The following ATP8A1 variants were observed in gnomAD, a reference collection of about 807,000 sequenced individuals.
ATP8A1 encodes ATPase phospholipid transporting 8A1.
Under a neutral mutation model 177.7 loss-of-function variants are expected in ATP8A1, and 90 were observed. That is an observed-to-expected ratio of 0.51 (90% CI 0.43 to 0.60). ATP8A1 has a LOEUF of 0.60. Among genes scored for constraint, ATP8A1 ranks in the 20% least tolerant of loss-of-function variants. The probability of loss-of-function intolerance (pLI) is 0.00; values close to 1 mark genes in which losing one functional copy is unlikely to be tolerated. For missense variants in ATP8A1, 1,072 were observed against 1,392.8 expected (o/e 0.77, Z 3.67); for synonymous variants, 493 against 485.9 (o/e 1.01, Z -0.19).
chr4:42,539,395 A>ACC (rs59861092), intron 20 of ATP8A1, among the ~76,000 whole-genome samples: 5,012 of 129,784 alleles, frequency 0.039, 139 homozygotes, highest in African/African-American at 0.046. Flanking sequence ...AAAATAAAAT[A>ACC]CCCCCCCCCC....
At chr4:42,547,543 A>G (rs1464561255) in intron 19 of ATP8A1, among the ~76,000 whole-genome samples, 1 of 152,232 alleles carries the variant, frequency 6.6e-6, no homozygotes, top group Non-Finnish European at 1.5e-5. Context: ...GTGGTTTAAA[A>G]AACGTATCTA....
At chr4:42,633,027 C>G (rs1318386231) in intron 1 of ATP8A1, among the ~76,000 whole-genome samples, 1 of 152,186 alleles carries the variant, frequency 6.6e-6, no homozygotes, top group Non-Finnish European at 1.5e-5. Flanking sequence ...AATTTCCCTT[C>G]TTGAGCCTTT....
chr4:42,586,210 G>C (rs1733597084), intron 9 of ATP8A1, 139 bp downstream of exon 9: 3 of 887,326 alleles, frequency 3.4e-6, no homozygotes, highest in East Asian at 2.7e-5. Flanking sequence ...ACTCAGGGCA[G>C]AATAAAAATG....
At chr4:42,462,375 G>A (rs934530116) in intron 27 of ATP8A1, among the ~76,000 whole-genome samples, 1 of 152,220 alleles carries the variant, frequency 6.6e-6, no homozygotes, top group African/African-American at 2.4e-5. Flanking sequence ...GAGACTTGGT[G>A]CTCTGCATCC....
intron 35 of ATP8A1, among the ~76,000 whole-genome samples, chr4:42,422,604 G>C (rs1560306599): frequency 6.6e-6 from 1 of 152,100 alleles, no homozygotes; most frequent in African/African-American, 2.4e-5. Flanking sequence ...GGAAATTGAG[G>C]CTCAGTAGGA....
At chr4:42,499,422 T>G (rs946530221) in intron 24 of ATP8A1, among the ~76,000 whole-genome samples, 5 of 152,134 alleles carry the variant, frequency 3.3e-5, no homozygotes, top group African/African-American at 9.6e-5. Flanking sequence ...ATCCCACAAC[T>G]CCTCACATAA....
chr4:42,586,555 C>G, intron 8 of ATP8A1, 79 bp from the exon 9 acceptor site: 6 of 1,377,228 alleles, frequency 4.4e-6, no homozygotes, highest in Non-Finnish European at 6.0e-6. Flanking sequence ...TTGAATTCAT[C>G]CAAGTCTTAA....
At chr4:42,505,016 G>C (rs984118151) in intron 23 of ATP8A1, among the ~76,000 whole-genome samples, 11 of 152,346 alleles carry the variant, frequency 7.2e-5, no homozygotes, top group Non-Finnish European at 1.5e-4. Context: ...TCCTGACTGT[G>C]CTATTTAAAA....
chr4:42,423,004 A>AAAGC (rs1714171197), intron 34 of ATP8A1, 105 bp from the exon 35 acceptor site: 1 of 725,032 alleles, frequency 1.4e-6, no homozygotes, highest in African/African-American at 1.8e-5. Flanking sequence ...GCACAATGGT[A>AAAGC]ACAAGAGTAC....
At chr4:42,461,776 C>A (rs138647004) in intron 27 of ATP8A1, among the ~76,000 whole-genome samples, 262 of 152,234 alleles carry the variant, frequency 1.7e-3, no homozygotes, top group Admixed American at 4.2e-3. Context: ...CATAAAAAGA[C>A]AAGAAAACGT....
Position 42,483,419 on chromosome 4 carries a change from T to G in ATP8A1, c.2324+2077A>C, listed in dbSNP as rs538594409. On this transcript the variant is annotated intron_variant, in intron 25 of 36. Transcript: ENST00000381668. Reference sequence around the variant, plus strand: ...CCTTAAAACTGGAAATAAAACTCAGTGTCTGCGTAGGGACCTCATGGTCTT... The same window carrying G: ...CCTTAAAACTGGAAATAAAACTCAGGGTCTGCGTAGGGACCTCATGGTCTT... Among the ~76,000 whole-genome samples the G allele has an allele frequency of 4.0e-5, 6 of 149,378 alleles. No individual in the cohort carries two copies. In the South Asian group the frequency reaches 1.3e-3, roughly 32 times the overall value.
chr4:42,521,976 C>CT (rs1192021451), intron 22 of ATP8A1, among the ~76,000 whole-genome samples, 184 bp downstream of exon 22: 6 of 152,152 alleles, frequency 3.9e-5, no homozygotes, highest in African/African-American at 1.4e-4. Context: ...TGTCTAACCC[C>CT]AAAGGCTTCT....
At chr4:42,557,244 G>A (rs572267819) in intron 15 of ATP8A1, among the ~76,000 whole-genome samples, 4 of 152,132 alleles carry the variant, frequency 2.6e-5, no homozygotes, top group Admixed American at 6.5e-5. Context: ...AAGTGAACAC[G>A]TCATCATCAT....
At chr4:42,640,840 G>C (rs1343357562) in intron 1 of ATP8A1, among the ~76,000 whole-genome samples, 1 of 152,018 alleles carries the variant, frequency 6.6e-6, no homozygotes, top group Admixed American at 6.6e-5. Flanking sequence ...GACCAGCCAG[G>C]CCAGTCAGAT....
intron 5 of ATP8A1, among the ~76,000 whole-genome samples, chr4:42,614,754 G>T (rs572835957): frequency 6.6e-6 from 1 of 151,978 alleles, no homozygotes; most frequent in Admixed American, 6.6e-5. Context: ...TCCTTTCTGC[G>T]CCTGGCAGTC....
At chr4:42,634,415 T>C (rs574477919) in intron 1 of ATP8A1, among the ~76,000 whole-genome samples, 42 of 152,378 alleles carry the variant, frequency 2.8e-4, no homozygotes, top group African/African-American at 9.9e-4. Context: ...TACTTTATTG[T>C]AGGATTGTAA....
At chr4:42,474,180 C>G (rs1458531717) in intron 25 of ATP8A1, among the ~76,000 whole-genome samples, 2 of 152,172 alleles carry the variant, frequency 1.3e-5, no homozygotes, top group Non-Finnish European at 2.9e-5. Context: ...TAATTATCAA[C>G]TACAAATTCA....
intron 16 of ATP8A1, among the ~76,000 whole-genome samples, chr4:42,555,139 A>ATCTAATCTATCTATCTATCT (rs1553903246): frequency 6.7e-5 from 4 of 59,550 alleles, no homozygotes; most frequent in East Asian, 4.3e-4. Flanking sequence ...CTATCTATCT[A>ATCTAATCTATCTATCTATCT]ATCTATCTAT....
chr4:42,413,003 C>T lies in ATP8A1; in HGVS notation c.3408G>A (p.Ala1136=), dbSNP rs146513232. The T allele has an allele frequency of 5.0e-3, 8,125 of 1,612,758 alleles. 29 individuals carry two copies. Among genetic ancestry groups the T allele is most frequent in the Non-Finnish European group, 6.2e-3 (7,271 of 1,179,050 alleles). The change falls in exon 37 of 37, where the codon GCG becomes GCA. Residue 1136 remains alanine, a synonymous_variant. Coordinates refer to ENST00000381668, the MANE Select transcript of ATP8A1 (RefSeq NM_006095.2). ...SLQQNLLHGY[A]FSQDENGIVS... is the part of the protein sequence containing the mutation. ...CGATTCCATTTTCATCTTGAGAGAACGCATACCCATCTGTAGGTTAATGAT... is the reference window on the plus strand; with the variant it reads ...CGATTCCATTTTCATCTTGAGAGAATGCATACCCATCTGTAGGTTAATGAT...
Sources: gnomAD v4.1 joint callset for allele counts (sites outside exome capture counted in the v4.1 genomes callset) on GRCh38, gnomAD v4.1.1 for gene constraint, MANE v1.5 for transcripts, NCBI Gene and HGNC (gene_info 2026-07-23, HGNC 2026-07-21) for gene names.